ANK3: variants seen among roughly 807,000 people sequenced by gnomAD.
ANK3 encodes ankyrin-3.
Under a neutral mutation model 370.9 loss-of-function variants are expected in ANK3, and 57 were observed. The observed-to-expected ratio is 0.15, with a 90% CI of 0.12 to 0.19. ANK3 has a LOEUF of 0.19. Ranked by LOEUF, ANK3 falls within the 10% of genes least tolerant of loss-of-function variation. The pLI is 1.00. For synonymous variants in ANK3, 1,929 were observed against 1,946.3 expected (o/e 0.99, Z 0.23); for missense variants, 4,439 against 5,302.1 (o/e 0.84, Z 5.06).
intron 1 of ANK3, among the ~76,000 whole-genome samples, chr10:60,339,686 G>A (rs2053810069): frequency 1.3e-5 from 2 of 152,134 alleles, no homozygotes; most frequent in African/African-American, 4.8e-5. Context: ...AACCAGAGTA[G>A]CTCTTCTGAT....
chr10:60,255,608 C>T (rs1280305772), intron 7 of ANK3, among the ~76,000 whole-genome samples: 1 of 152,072 alleles, frequency 6.6e-6, no homozygotes, highest in Non-Finnish European at 1.5e-5. Context: ...CAGGGACTAA[C>T]CATCTTCCTT....
At chr10:60,228,531 C>G (rs1434241678) in intron 8 of ANK3, among the ~76,000 whole-genome samples, 10 of 76,508 alleles carry the variant, frequency 1.3e-4, no homozygotes, top group Admixed American at 8.8e-4. Context: ...GACTGTGTCT[C>G]CAAAAAAAAA....
chr10:60,562,195 GA>G (rs1315958599), intron 2 of ANK3, among the ~76,000 whole-genome samples: 1 of 152,162 alleles, frequency 6.6e-6, no homozygotes, highest in Non-Finnish European at 1.5e-5. Flanking sequence ...TAGTGAGTTA[GA>G]AGTGAAAGAT....
At chr10:60,184,561 G>A (rs1204232820) in intron 17 of ANK3, among the ~76,000 whole-genome samples, 1 of 152,194 alleles carries the variant, frequency 6.6e-6, no homozygotes, top group Non-Finnish European at 1.5e-5. Flanking sequence ...CTCTGCTTGT[G>A]TATCATTTAC....
At chr10:60,083,760 C>CA in intron 32 of ANK3, 143 bp from the exon 33 acceptor site, 1 of 664,826 alleles carries the variant, frequency 1.5e-6, no homozygotes, top group Non-Finnish European at 2.5e-6. Flanking sequence ...GTGCTATTTG[C>CA]AACAAAAATA....
At chr10:60,198,151 A>C (rs1299868341) in intron 14 of ANK3, among the ~76,000 whole-genome samples, 189 bp downstream of exon 14, 2 of 152,192 alleles carry the variant, frequency 1.3e-5, no homozygotes, top group African/African-American at 2.4e-5. Flanking sequence ...ACTTAAGGCA[A>C]AAAACCCCCC....
At chr10:60,211,055 A>T (rs1266156734) in intron 9 of ANK3, among the ~76,000 whole-genome samples, 4 of 152,204 alleles carry the variant, frequency 2.6e-5, no homozygotes, top group Admixed American at 2.6e-4. Context: ...ACTGCTGGGA[A>T]TAAAAAGACA....
chr10:60,391,056 G>A (rs1474053676), upstream of ANK3, among the ~76,000 whole-genome samples: 1 of 152,178 alleles, frequency 6.6e-6, no homozygotes, highest in East Asian at 1.9e-4. Flanking sequence ...TAGATTTGGG[G>A]TTCAAAGGTC....
chr10:60,033,907 T>A (rs1421650306), intron 43 of ANK3, among the ~76,000 whole-genome samples: 1 of 152,020 alleles, frequency 6.6e-6, no homozygotes, highest in African/African-American at 2.4e-5. Flanking sequence ...CCATACCAGT[T>A]TATATAGAAG....
At chr10:60,140,572 G>T in intron 23 of ANK3, 1 of 1,380,694 alleles carries the variant, frequency 7.2e-7, no homozygotes, top group Non-Finnish European at 9.3e-7. Flanking sequence ...CTCAGAGTTC[G>T]AAGATTTTCA....
intron 2 of ANK3, among the ~76,000 whole-genome samples, chr10:60,584,253 G>C (rs2077798326): frequency 6.6e-6 from 1 of 152,162 alleles, no homozygotes; most frequent in African/African-American, 2.4e-5. Flanking sequence ...TTATTAAGAT[G>C]ACATCAGAAT....
In ANK3 at chr10:60,706,016, G is replaced by T. The variant is rs377029195; in HGVS notation, c.57+27247C>A. Among the ~76,000 whole-genome samples the T allele has an allele frequency of 3.3e-3, 502 of 151,910 alleles. 3 individuals carry two copies. Among genetic ancestry groups the T allele is most frequent in the African/African-American group, 0.012 (478 of 41,414 alleles). On this transcript the variant is annotated intron_variant, in intron 1 of 43. Coordinates refer to the ANK3 transcript ENST00000373827. ...TTTTGTATTTTTTTGTAGAGACAGG[G>T]TTTTGCCATGTTGCCCAGGCTGGTC... is the stretch of plus-strand genomic sequence containing the variant.
At chr10:60,384,952 G>A (rs1442294364) in intron 1 of ANK3, among the ~76,000 whole-genome samples, 1 of 152,070 alleles carries the variant, frequency 6.6e-6, no homozygotes, top group Non-Finnish European at 1.5e-5. Flanking sequence ...CTCCACCTTG[G>A]TTCACACTCA....
rs1480074140 is a variant in ANK3 at position 60,081,615 on chromosome 10, AGTTT to A, written c.4350+531_4350+534del. 37 of 362,432 alleles carry A rather than the reference AGTTT, an allele frequency of 1.0e-4. No individual in the cohort carries two copies. The Admixed American group carries it at 1.2e-3, about 11-fold the overall frequency. The allele number at this position is 362,432 out of a possible 1,614,324, so 22.5% of individuals were successfully genotyped here. On this transcript the variant is annotated intron_variant, in intron 35 of 43. Coordinates refer to ENST00000280772, the MANE Select transcript of ANK3 (RefSeq NM_020987.5). ...AATATTTTGTATCACATACAACATA[AGTTT>A]ATTTGTACAATAAAATTGCACATAT... is the stretch of plus-strand genomic sequence containing the variant.
intron 2 of ANK3, among the ~76,000 whole-genome samples, chr10:60,435,931 C>CA (rs537391573): frequency 8.2e-4 from 125 of 152,048 alleles, no homozygotes; most frequent in African/African-American, 2.9e-3. Context: ...ACTAAAAATA[C>CA]AAAAAATTAG....
intron 1 of ANK3, among the ~76,000 whole-genome samples, chr10:60,360,145 C>G (rs2058369668): frequency 1.3e-5 from 2 of 152,298 alleles, no homozygotes; most frequent in South Asian, 4.1e-4. Flanking sequence ...ATCTGGTACT[C>G]TGTGTGTACA....
At chr10:60,304,912 G>A (rs1246365145) in intron 1 of ANK3, among the ~76,000 whole-genome samples, 2 of 152,148 alleles carry the variant, frequency 1.3e-5, no homozygotes, top group Admixed American at 1.3e-4. Context: ...TTAGCAGGGA[G>A]GCCTGGAAAA....
At chr10:60,211,451 A>C (rs2096852946) in intron 9 of ANK3, among the ~76,000 whole-genome samples, 1 of 152,148 alleles carries the variant, frequency 6.6e-6, no homozygotes, top group Admixed American at 6.5e-5. Flanking sequence ...GGATATTTTG[A>C]GAAAGCTACT....
intron 2 of ANK3, among the ~76,000 whole-genome samples, chr10:60,495,736 G>A (rs370296002): frequency 1.1e-4 from 16 of 152,300 alleles, no homozygotes; most frequent in Admixed American, 1.3e-4. Context: ...GGAAAGAGAA[G>A]AGGAAATCAA....
Sources: allele counts gnomAD v4.1 joint callset (sites outside exome capture counted in the v4.1 genomes callset), GRCh38; gene constraint gnomAD v4.1.1; transcripts MANE v1.5; gene names NCBI Gene and HGNC (gene_info 2026-07-23, HGNC 2026-07-21).